CADM2: variants seen among roughly 807,000 people sequenced by gnomAD.
CADM2 encodes immunoglobulin superfamily member 4D.
A neutral mutation model predicts 49.8 loss-of-function variants in CADM2; 12 were observed. The ratio of observed to expected loss-of-function variants is 0.24; its 90% CI spans 0.15 to 0.39. The LOEUF (loss-of-function observed/expected upper bound fraction) is 0.39. Ranked by LOEUF, CADM2 falls within the 10% of genes least tolerant of loss-of-function variation. The probability of loss-of-function intolerance (pLI) is 1.00; values close to 1 mark genes in which losing one functional copy is unlikely to be tolerated. For missense variants in CADM2, 378 were observed against 492.3 expected (o/e 0.77, Z 2.20); for synonymous variants, 214 against 175.4 (o/e 1.22, Z -1.74).
intron 2 of CADM2, among the ~76,000 whole-genome samples, chr3:85,778,067 G>A (rs973931903): frequency 3.3e-5 from 5 of 152,104 alleles, no homozygotes; most frequent in Non-Finnish European, 7.4e-5. Flanking sequence ...TATGGGCTGA[G>A]CCTAATTTGG....
chr3:85,252,418 C>T (rs17022620), intron 1 of CADM2, among the ~76,000 whole-genome samples: 1,771 of 151,922 alleles, frequency 0.012, 29 homozygotes, highest in African/African-American at 0.04. Flanking sequence ...GGATAAGTCA[C>T]ATGTTCTAGA....
chr3:85,339,045 A>T (rs993800364), intron 1 of CADM2, among the ~76,000 whole-genome samples: 19 of 151,620 alleles, frequency 1.3e-4, no homozygotes, highest in African/African-American at 4.6e-4. Context: ...GAAAAGTTTA[A>T]GTCTGATAGG....
chr3:85,117,917 C>A (rs370920986), intron 1 of CADM2, among the ~76,000 whole-genome samples: 4 of 152,044 alleles, frequency 2.6e-5, no homozygotes, highest in African/African-American at 4.8e-5. Context: ...TATAATGAAG[C>A]TTTCATGAGG....
chr3:85,541,892 G>C (rs932049920), intron 1 of CADM2, among the ~76,000 whole-genome samples: 2 of 150,082 alleles, frequency 1.3e-5, no homozygotes, highest in Non-Finnish European at 3.0e-5. Context: ...AGGCAGAAAA[G>C]CATAAGAACG....
At chr3:85,143,646 C>A (rs139728725) in intron 1 of CADM2, among the ~76,000 whole-genome samples, 171 of 152,242 alleles carry the variant, frequency 1.1e-3, no homozygotes, top group Middle Eastern at 6.8e-3. Flanking sequence ...TCCAAAGTAT[C>A]ATTTCTATTT....
chr3:85,951,677 G>C (rs1723439789), intron 7 of CADM2, among the ~76,000 whole-genome samples: 1 of 151,002 alleles, frequency 6.6e-6, no homozygotes, highest in African/African-American at 2.4e-5. Flanking sequence ...CCAAGATACA[G>C]TAATGAAATT....
chr3:85,514,482 G>T (rs967663132), intron 1 of CADM2, among the ~76,000 whole-genome samples: 4 of 152,020 alleles, frequency 2.6e-5, no homozygotes, highest in Non-Finnish European at 4.4e-5. Context: ...AAGCAAAAAT[G>T]TGTTTGTCCT....
At chr3:85,691,796 T>TA (rs1278456160) in intron 1 of CADM2, among the ~76,000 whole-genome samples, 1 of 152,132 alleles carries the variant, frequency 6.6e-6, no homozygotes, top group African/African-American at 2.4e-5. Flanking sequence ...TATGCATCCA[T>TA]AAAAAATGAT....
At chr3:85,282,214 C>A (rs2043517269) in intron 1 of CADM2, among the ~76,000 whole-genome samples, 1 of 149,088 alleles carries the variant, frequency 6.7e-6, no homozygotes, top group South Asian at 2.1e-4. Flanking sequence ...GTCTGTGCTG[C>A]CAAAATATCC....
At chr3:85,249,284 A>T (rs2042721986) in intron 1 of CADM2, among the ~76,000 whole-genome samples, 1 of 152,104 alleles carries the variant, frequency 6.6e-6, no homozygotes. Flanking sequence ...AATTTTAGTT[A>T]GCTATGATCT....
At chr3:85,688,373 A>G (rs751244722) in intron 1 of CADM2, among the ~76,000 whole-genome samples, 1 of 152,172 alleles carries the variant, frequency 6.6e-6, no homozygotes, top group Non-Finnish European at 1.5e-5. Flanking sequence ...ATCATTACTC[A>G]CTAGGGAAAT....
intron 1 of CADM2, among the ~76,000 whole-genome samples, chr3:85,720,165 A>G (rs535002348): frequency 6.6e-6 from 1 of 152,188 alleles, no homozygotes; most frequent in Non-Finnish European, 1.5e-5. Flanking sequence ...ATTGTGTGTC[A>G]TTTCTCACAT....
chr3:85,927,826 C>T (rs540524599), intron 6 of CADM2, among the ~76,000 whole-genome samples: 39 of 139,162 alleles, frequency 2.8e-4, no homozygotes, highest in African/African-American at 7.6e-4. Flanking sequence ...AAAAGAAATA[C>T]GTTGTTTTTT....
chr3:85,218,554 T>G (rs991487384), intron 1 of CADM2, among the ~76,000 whole-genome samples: 1 of 152,060 alleles, frequency 6.6e-6, no homozygotes, highest in Non-Finnish European at 1.5e-5. Context: ...TCCCAGCACT[T>G]TTGGAGCCCG....
chr3:85,382,992 T>C (rs979445836), intron 1 of CADM2, among the ~76,000 whole-genome samples: 2 of 152,072 alleles, frequency 1.3e-5, no homozygotes, highest in Non-Finnish European at 2.9e-5. Context: ...AGGTAGACAA[T>C]GCTGAAAACC....
At chr3:85,745,037 A>G (rs1245132857) in intron 2 of CADM2, among the ~76,000 whole-genome samples, 1 of 152,130 alleles carries the variant, frequency 6.6e-6, no homozygotes, top group African/African-American at 2.4e-5. Context: ...GGTGAGAAGA[A>G]ATTGCATTTA....
chr3:85,552,843 A>AT (rs1240869374), intron 1 of CADM2, among the ~76,000 whole-genome samples: 1 of 150,968 alleles, frequency 6.6e-6, no homozygotes, highest in Non-Finnish European at 1.5e-5. Context: ...CGCCCAGCAA[A>AT]TTTTTTGTAT....
At chr3:85,791,542 G>A (rs866055929) in intron 2 of CADM2, among the ~76,000 whole-genome samples, 1 of 135,596 alleles carries the variant, frequency 7.4e-6, no homozygotes, top group Admixed American at 7.4e-5. Context: ...GAGAGAGAGA[G>A]AAAGAGAGAG....
At chr3:85,699,372 A>G (rs1172992737) in intron 1 of CADM2, among the ~76,000 whole-genome samples, 1 of 152,114 alleles carries the variant, frequency 6.6e-6, no homozygotes, top group Non-Finnish European at 1.5e-5. Flanking sequence ...CTCCAACCCC[A>G]CATTTCCTCT....
Sources: gnomAD v4.1 joint callset for allele counts (sites outside exome capture counted in the v4.1 genomes callset) on GRCh38, gnomAD v4.1.1 for gene constraint, MANE v1.5 for transcripts, NCBI Gene and HGNC (gene_info 2026-07-23, HGNC 2026-07-21) for gene names.